The following TENT5D variants were observed in gnomAD, a reference collection of about 807,000 sequenced individuals.
TENT5D encodes the protein terminal nucleotidyltransferase 5D.
For synonymous variants in TENT5D, 103 were observed against 100.6 expected (o/e 1.02, Z -0.15); for missense variants, 191 against 287.0 (o/e 0.67, Z 2.42).
At chrX:80,422,234 G>T (rs892770061) in intron 1 of TENT5D, among the ~76,000 whole-genome samples, 1 of 110,911 alleles carries the variant, frequency 9.0e-6, no homozygotes, top group Admixed American at 9.6e-5. Context: ...CAGCACTTTG[G>T]GGGGCTGAGG....
chrX:80,366,396 C>G (rs1435445281), intron 3 of TENT5D, among the ~76,000 whole-genome samples: 1 of 111,046 alleles, frequency 9.0e-6, no homozygotes, highest in African/African-American at 3.3e-5. Flanking sequence ...CTATAAACTA[C>G]CTTTAGAATT....
At chrX:80,411,244 TAAA>T (rs201545701) in intron 3 of TENT5D, among the ~76,000 whole-genome samples, 2 of 105,670 alleles carry the variant, frequency 1.9e-5, no homozygotes, top group South Asian at 8.1e-4. Flanking sequence ...TAAAGTATAA[TAAA>T]AAAAAAAGAA....
chrX:80,429,405 C>G (rs775858183), intron 1 of TENT5D, among the ~76,000 whole-genome samples: 1 of 110,657 alleles, frequency 9.0e-6, no homozygotes, highest in Admixed American at 9.6e-5. Flanking sequence ...TGGGTTCAAG[C>G]AATTCTCCTG....
At chrX:80,422,691 G>T (rs1412209721) in intron 1 of TENT5D, among the ~76,000 whole-genome samples, 5 of 110,170 alleles carry the variant, frequency 4.5e-5, no homozygotes, top group South Asian at 3.9e-4. Flanking sequence ...AGTTTTTTGG[G>T]TTTTTTTTGT....
intron 3 of TENT5D, among the ~76,000 whole-genome samples, chrX:80,405,659 C>T (rs1417411399): frequency 2.5e-4 from 28 of 111,709 alleles, no homozygotes; most frequent in Non-Finnish European, 4.1e-4. Context: ...AACTGCAAGG[C>T]GGCAGCGAGG....
chrX:80,398,871 A>G (rs1222833462), intron 3 of TENT5D, among the ~76,000 whole-genome samples: 1 of 111,506 alleles, frequency 9.0e-6, no homozygotes, highest in Non-Finnish European at 1.9e-5. Context: ...CTATGGAACC[A>G]TGAAAGACCC....
At chrX:80,373,017 TAATC>T (rs1930656538) in intron 3 of TENT5D, among the ~76,000 whole-genome samples, 1 of 110,356 alleles carries the variant, frequency 9.1e-6, no homozygotes, top group Admixed American at 9.7e-5. Flanking sequence ...GCCTATATCT[TAATC>T]AATACAATTT....
intron 3 of TENT5D, among the ~76,000 whole-genome samples, chrX:80,369,406 A>C (rs1329650539): frequency 8.0e-5 from 9 of 112,080 alleles, no homozygotes; most frequent in Non-Finnish European, 1.9e-5. Flanking sequence ...TTCCATTCTG[A>C]ATGTGTAAAA....
chrX:80,426,172 C>T (rs888848470), intron 1 of TENT5D, among the ~76,000 whole-genome samples: 1 of 110,941 alleles, frequency 9.0e-6, no homozygotes, highest in Admixed American at 9.6e-5. Flanking sequence ...CTGTAGCATC[C>T]GAAAGCTAGG....
chrX:80,434,662 G>A (rs1275072016), intron 1 of TENT5D, among the ~76,000 whole-genome samples: 4 of 111,141 alleles, frequency 3.6e-5, no homozygotes, highest in Non-Finnish European at 7.5e-5. Context: ...GACCCAAATT[G>A]GAGCTGTTTT....
In TENT5D at chrX:80,408,120, G is replaced by A. The variant is rs202187075; in HGVS notation, c.-141-30490G>A. Among the ~76,000 whole-genome samples the A allele has an allele frequency of 3.8e-3, 412 of 109,233 alleles. 7 individuals are homozygous for A. The East Asian group carries it at 0.094, about 25-fold the overall frequency. The allele number at this position is 109,233 out of a possible 115,157, so 94.9% of individuals were successfully genotyped here. A position where few individuals can be genotyped will look rare whatever the true frequency, so the allele number is the denominator to read the frequency against. ...CAAAGCAGTGTGTAGAGGGAAATTTGTAGCACTAAATGCCCACAGGAGAAA... is the reference window on the plus strand; with the variant it reads ...CAAAGCAGTGTGTAGAGGGAAATTTATAGCACTAAATGCCCACAGGAGAAA... On this transcript the variant is annotated intron_variant, in intron 3 of 4. Coordinates refer to the TENT5D transcript ENST00000538312.
chrX:80,407,253 T>A (rs1250080542), intron 3 of TENT5D, among the ~76,000 whole-genome samples: 9 of 109,644 alleles, frequency 8.2e-5, no homozygotes, highest in African/African-American at 2.7e-4. Flanking sequence ...CATAACAATA[T>A]TAACTTTAAA....
At chrX:80,432,220 C>T (rs1418822762) in intron 1 of TENT5D, among the ~76,000 whole-genome samples, 1 of 111,438 alleles carries the variant, frequency 9.0e-6, no homozygotes, top group African/African-American at 3.3e-5. Context: ...AGTCCTTTTG[C>T]CAATTCTCTA....
intron 3 of TENT5D, among the ~76,000 whole-genome samples, chrX:80,391,027 A>T (rs914693989): frequency 2.7e-5 from 3 of 112,183 alleles, no homozygotes; most frequent in African/African-American, 9.7e-5. Flanking sequence ...AATCCTCATG[A>T]TCTTTGGAAA....
At chrX:80,421,137 ATT>A (rs1054631926) in intron 1 of TENT5D, among the ~76,000 whole-genome samples, 2 of 110,793 alleles carry the variant, frequency 1.8e-5, no homozygotes. Context: ...TTTTCAGATT[ATT>A]TTTTTTCCTT....
intron 3 of TENT5D, among the ~76,000 whole-genome samples, chrX:80,368,564 T>C (rs1248692831): frequency 8.9e-6 from 1 of 111,959 alleles, no homozygotes; most frequent in Non-Finnish European, 1.9e-5. Flanking sequence ...TGCAGTCAAT[T>C]GATTTAAATT....
At chrX:80,438,921 T>C (rs964963430) in intron 2 of TENT5D, among the ~76,000 whole-genome samples, 189 bp downstream of exon 2, 2 of 111,277 alleles carry the variant, frequency 1.8e-5, no homozygotes, top group African/African-American at 6.5e-5. Context: ...TCTTGACAAA[T>C]TGCTTGCTTT....
At chrX:80,358,360 C>T (rs1412372332) in intron 3 of TENT5D, among the ~76,000 whole-genome samples, 1 of 111,324 alleles carries the variant, frequency 9.0e-6, no homozygotes, top group East Asian at 2.8e-4. Flanking sequence ...AAAGAAACTA[C>T]CATCAGAGTG....
chrX:80,392,495 CTTTTTTTTTTTTT>C (rs72029455), intron 3 of TENT5D, among the ~76,000 whole-genome samples: 24 of 24,301 alleles, frequency 9.9e-4, no homozygotes, highest in African/African-American at 3.8e-3. Context: ...TCATTTTATT[CTTTTTTTTTTTTT>C]TTTTTTTTTT....
Sources: allele counts gnomAD v4.1 joint callset (sites outside exome capture counted in the v4.1 genomes callset), GRCh38; gene constraint gnomAD v4.1.1; transcripts MANE v1.5; gene names NCBI Gene and HGNC (gene_info 2026-07-23, HGNC 2026-07-21).